DLGAP1: variants seen among roughly 807,000 people sequenced by gnomAD.
DLGAP1 encodes disks large-associated protein 1.
A neutral mutation model predicts 90.8 loss-of-function variants in DLGAP1; 11 were observed. The ratio of observed to expected loss-of-function variants is 0.12; its 90% CI spans 0.08 to 0.20. The LOEUF is 0.20. Among genes scored for constraint, DLGAP1 ranks in the 10% least tolerant of loss-of-function variants. DLGAP1 has a pLI of 1.00. For missense variants in DLGAP1, 1,050 were observed against 1,333.8 expected, an observed-to-expected ratio of 0.79 and a Z score of 3.31; for synonymous variants, 558 against 540.7, an observed-to-expected ratio of 1.03 and a Z score of -0.44.
At chr18:3,705,392 G>C (rs1238257772) in intron 7 of DLGAP1, among the ~76,000 whole-genome samples, 1 of 150,638 alleles carries the variant, frequency 6.6e-6, no homozygotes, top group Admixed American at 6.6e-5. Flanking sequence ...CATTGTGCTT[G>C]TATGGTGCAG....
intron 1 of DLGAP1, among the ~76,000 whole-genome samples, chr18:4,324,489 A>C (rs1242906312): frequency 6.6e-6 from 1 of 152,024 alleles, no homozygotes; most frequent in Non-Finnish European, 1.5e-5. Flanking sequence ...AAAATTGAGG[A>C]GCAGGGACTC....
intron 3 of DLGAP1, among the ~76,000 whole-genome samples, chr18:3,918,881 A>C (rs2072205003): frequency 1.3e-5 from 2 of 152,164 alleles, no homozygotes; most frequent in Non-Finnish European, 2.9e-5. Context: ...AAGCTCATGA[A>C]AGATGTTGCA....
At chr18:4,330,104 G>A (rs956089710) in intron 1 of DLGAP1, among the ~76,000 whole-genome samples, 1 of 151,806 alleles carries the variant, frequency 6.6e-6, no homozygotes, top group Non-Finnish European at 1.5e-5. Flanking sequence ...GATAGTTTGT[G>A]TTTTTCAAAA....
intron 2 of DLGAP1, among the ~76,000 whole-genome samples, chr18:4,012,178 C>A (rs1353274580): frequency 6.6e-6 from 1 of 152,194 alleles, no homozygotes; most frequent in African/African-American, 2.4e-5. Flanking sequence ...TGTCCTCCCC[C>A]AGCCAAGGGA....
At chr18:3,585,254 A>T (rs368229032) in intron 7 of DLGAP1, among the ~76,000 whole-genome samples, 1 of 152,218 alleles carries the variant, frequency 6.6e-6, no homozygotes, top group Non-Finnish European at 1.5e-5. Context: ...GTGCATATAC[A>T]TTGTAAATAT....
chr18:3,768,355 T>C (rs923935843), intron 5 of DLGAP1, among the ~76,000 whole-genome samples: 3 of 152,132 alleles, frequency 2.0e-5, no homozygotes, highest in Admixed American at 6.5e-5. Context: ...TACTCAAAAA[T>C]AGGAGAAATG....
chr18:3,546,284 T>G (rs1204646679), intron 9 of DLGAP1, among the ~76,000 whole-genome samples: 2 of 151,964 alleles, frequency 1.3e-5, no homozygotes, highest in Non-Finnish European at 2.9e-5. Flanking sequence ...CATGGTGGCA[T>G]GCACCTGTAG....
rs140399319 is a variant in DLGAP1 at position 3,580,888 on chromosome 18, TG to T, written c.1965+986del. Reference sequence around the variant, plus strand: ...GCCGGTTGTACCCTGCAGTAGCGTCTGCCCTGAGCTGCCAGTGCTGGGTATC... The same window carrying T: ...GCCGGTTGTACCCTGCAGTAGCGTCTCCCTGAGCTGCCAGTGCTGGGTATC... On this transcript the variant is annotated intron_variant, in intron 8 of 12. Transcript: ENST00000315677. The T allele has an allele frequency of 2.3e-3, 1,963 of 871,820 alleles. 18 individuals are homozygous for T. In the African/African-American group the frequency reaches 0.027, roughly 12 times the overall value. The allele number at this position is 871,820 out of a possible 1,614,324, so 54.0% of individuals were successfully genotyped here.
chr18:4,403,819 C>T (rs1408324114), intron 1 of DLGAP1, among the ~76,000 whole-genome samples: 2 of 151,966 alleles, frequency 1.3e-5, no homozygotes, highest in African/African-American at 4.8e-5. Flanking sequence ...TTTGCAAGAT[C>T]TATTTGCTAT....
intron 7 of DLGAP1, chr18:3,604,137 G>T (rs566893984): frequency 2.0e-5 from 3 of 152,522 alleles, no homozygotes; most frequent in African/African-American, 7.2e-5. Flanking sequence ...CCAACATCGT[G>T]GCTGAATGAA....
At chr18:4,368,644 C>T (rs1412261542) in intron 1 of DLGAP1, among the ~76,000 whole-genome samples, 1 of 95,208 alleles carries the variant, frequency 1.1e-5, no homozygotes, top group African/African-American at 3.8e-5. Flanking sequence ...CATACACACA[C>T]ACACACACAC....
chr18:3,942,833 T>C (rs962682066), intron 3 of DLGAP1, among the ~76,000 whole-genome samples: 3 of 152,200 alleles, frequency 2.0e-5, no homozygotes, highest in South Asian at 2.1e-4. Context: ...ACTATGAAGA[T>C]GCATTTTTTT....
At chr18:4,329,636 T>C (rs2080904153) in intron 1 of DLGAP1, among the ~76,000 whole-genome samples, 1 of 151,992 alleles carries the variant, frequency 6.6e-6, no homozygotes. Context: ...GAAAAGGGAA[T>C]ATCTCTCCGT....
intron 2 of DLGAP1, among the ~76,000 whole-genome samples, chr18:4,137,121 A>T (rs2076417366): frequency 6.6e-6 from 1 of 151,988 alleles, no homozygotes; most frequent in African/African-American, 2.4e-5. Context: ...TCATTGTTGA[A>T]TTCCCACCTA....
chr18:4,071,860 A>C (rs189847730), intron 2 of DLGAP1, among the ~76,000 whole-genome samples: 1 of 152,318 alleles, frequency 6.6e-6, no homozygotes, highest in East Asian at 1.9e-4. Context: ...CAACTTTGTT[A>C]ATTCAAAGTT....
intron 2 of DLGAP1, among the ~76,000 whole-genome samples, chr18:4,112,801 T>C (rs1328276151): frequency 1.3e-5 from 2 of 152,174 alleles, no homozygotes; most frequent in African/African-American, 2.4e-5. Context: ...ATTTTTGCTA[T>C]CTTTATATCC....
At position 4,392,620 on chromosome 18, in the gene DLGAP1, A is replaced by G. The variant is rs73386838; in HGVS notation, c.-267+62386T>C. On this transcript the variant is annotated intron_variant, in intron 1 of 12. Coordinates refer to ENST00000315677, the MANE Select transcript of DLGAP1 (RefSeq NM_004746.4). ...ACCTACTCAAAGTTTAAAGGCTCATATAAGACAGGAAGCTTTATAATCTAC... is the reference window on the plus strand; with the variant it reads ...ACCTACTCAAAGTTTAAAGGCTCATGTAAGACAGGAAGCTTTATAATCTAC... Among the ~76,000 whole-genome samples the G allele has an allele frequency of 4.7e-3, 712 of 152,328 alleles. 3 individuals are homozygous for G. The highest frequency in any genetic ancestry group is 0.016 in the African/African-American group (668 of 41,568).
chr18:4,242,781 C>T (rs113178799), intron 1 of DLGAP1, among the ~76,000 whole-genome samples: 120 of 152,192 alleles, frequency 7.9e-4, no homozygotes, highest in African/African-American at 2.6e-3. Flanking sequence ...AAATGCAGTA[C>T]ACATAAAGGT....
chr18:3,758,622 T>C lies in DLGAP1; in HGVS notation c.1173-16110A>G, dbSNP rs188850615. Among the ~76,000 whole-genome samples the C allele has an allele frequency of 2.2e-3, 336 of 152,334 alleles. 2 individuals are homozygous for C. Among genetic ancestry groups the C allele is most frequent in the African/African-American group, 7.6e-3 (316 of 41,582 alleles). The stretch of plus-strand genomic sequence containing the variant: ...ATTTATAAGCTTAACATGGATTATA[T>C]TGAAGTCAGTTCTGCATGTCCTTCT... On this transcript the variant is annotated intron_variant, in intron 5 of 12. Coordinates refer to ENST00000315677, the MANE Select transcript of DLGAP1 (RefSeq NM_004746.4).
Sources: allele counts gnomAD v4.1 joint callset (sites outside exome capture counted in the v4.1 genomes callset), GRCh38; gene constraint gnomAD v4.1.1; transcripts MANE v1.5; gene names NCBI Gene and HGNC (gene_info 2026-07-23, HGNC 2026-07-21).